Variants in UFL1 observed in about 807,000 individuals in gnomAD.
UFL1 encodes E3 UFM1-protein ligase 1.
A neutral mutation model predicts 99.3 loss-of-function variants in UFL1; 78 were observed. That is an observed-to-expected ratio of 0.79 (90% CI 0.65 to 0.95). UFL1 has a LOEUF of 0.95. Among genes scored for constraint, UFL1 ranks in the 40% least tolerant of loss-of-function variants. UFL1 has a pLI of 0.00. For synonymous variants in UFL1, 335 were observed against 322.2 expected, an observed-to-expected ratio of 1.04 and a Z score of -0.42; for missense variants, 936 against 937.0, an observed-to-expected ratio of 1.00 and a Z score of 0.01.
intron 5 of UFL1, 126 bp downstream of exon 5, chr6:96,526,561 C>CT (rs1769706679): frequency 4.0e-6 from 3 of 750,042 alleles, no homozygotes; most frequent in Non-Finnish European, 6.6e-6. Context: ...AGGTGTCTGA[C>CT]TTGATATATG....
chr6:96,542,417 T>A (rs1450018994), intron 11 of UFL1, among the ~76,000 whole-genome samples: 8 of 151,292 alleles, frequency 5.3e-5, no homozygotes, highest in African/African-American at 1.9e-4. Context: ...TCAGGATATC[T>A]CCTCTAAAAA....
chr6:96,522,978 G>GTTT, intron 1 of UFL1, 168 bp from the exon 2 acceptor site: 2 of 498,466 alleles, frequency 4.0e-6, no homozygotes, highest in Non-Finnish European at 3.3e-6. Flanking sequence ...ACTCTGAAAG[G>GTTT]TTTTTTTTTA....
intron 6 of UFL1, among the ~76,000 whole-genome samples, chr6:96,531,124 G>T (rs1002469241): frequency 5.9e-5 from 9 of 152,220 alleles, no homozygotes; most frequent in African/African-American, 1.9e-4. Context: ...GATGATCTGA[G>T]ATGGAACAGT....
intron 12 of UFL1, 73 bp downstream of exon 12, chr6:96,543,089 A>G (rs1769953787): frequency 6.7e-7 from 1 of 1,492,378 alleles, no homozygotes; most frequent in African/African-American, 1.5e-5. Flanking sequence ...GATGTATATA[A>G]TTAGGTATAT....
intron 9 of UFL1, among the ~76,000 whole-genome samples, chr6:96,538,369 G>GT (rs1769882557): frequency 6.6e-6 from 1 of 151,660 alleles, no homozygotes; most frequent in Admixed American, 6.6e-5. Flanking sequence ...TGTGTGCCTT[G>GT]TAGGTTTCAG....
rs181350392 is a variant in UFL1 at position 96,532,777 on chromosome 6, A to G, written c.597-1486A>G. On this transcript the variant is annotated intron_variant, in intron 6 of 18. Coordinates refer to ENST00000369278, the MANE Select transcript of UFL1 (RefSeq NM_015323.5). ...GTCACCAGAATCATGAGCCAAATAAACCTTTTTTCTTTGTAAATTACCCAG... is the reference window on the plus strand; with the variant it reads ...GTCACCAGAATCATGAGCCAAATAAGCCTTTTTTCTTTGTAAATTACCCAG... 5.1e-4 allele frequency among the ~76,000 whole-genome samples: 77 copies of G among 152,240 alleles called. 1 individual carries two copies. The South Asian group carries it at 0.016, about 31-fold the overall frequency.
chr6:96,530,661 G>A (rs944025070), intron 6 of UFL1, among the ~76,000 whole-genome samples: 2 of 152,116 alleles, frequency 1.3e-5, no homozygotes, highest in South Asian at 4.1e-4. Context: ...CCTGCAGGTT[G>A]CCTTTTGCAT....
At chr6:96,523,002 G>A in intron 1 of UFL1, 144 bp from the exon 2 acceptor site, 1 of 678,200 alleles carries the variant, frequency 1.5e-6, no homozygotes, top group Non-Finnish European at 2.2e-6. Flanking sequence ...TATTGAATCA[G>A]TTAGTGAAAA....
chr6:96,549,160 G>T (rs1169200865), intron 13 of UFL1, among the ~76,000 whole-genome samples: 1 of 151,184 alleles, frequency 6.6e-6, no homozygotes, highest in Non-Finnish European at 1.5e-5. Context: ...GAATTATGGG[G>T]GTTTTGTTAT....
chr6:96,526,879 A>T (rs886555555), intron 5 of UFL1, among the ~76,000 whole-genome samples: 2 of 152,230 alleles, frequency 1.3e-5, no homozygotes, highest in African/African-American at 2.4e-5. Flanking sequence ...GTAAAGGTCA[A>T]GGATGCTGCT....
At chr6:96,550,730 C>G (rs1001777718) in intron 15 of UFL1, among the ~76,000 whole-genome samples, 1 of 151,974 alleles carries the variant, frequency 6.6e-6, no homozygotes, top group African/African-American at 2.4e-5. Context: ...GTCTCCTGCC[C>G]TTATACCAAT....
chr6:96,525,100 C>T (rs1240332195), intron 3 of UFL1, among the ~76,000 whole-genome samples, 197 bp from the exon 4 acceptor site: 1 of 150,906 alleles, frequency 6.6e-6, no homozygotes, highest in African/African-American at 2.4e-5. Context: ...TGGGAGTCTC[C>T]CTATGTTGCC....
chr6:96,523,891 A>T (rs1436096712), intron 2 of UFL1, among the ~76,000 whole-genome samples: 2 of 152,188 alleles, frequency 1.3e-5, no homozygotes, highest in Admixed American at 1.3e-4. Flanking sequence ...TCAGAGTGTA[A>T]CATTGGTCTT....
intron 4 of UFL1, among the ~76,000 whole-genome samples, chr6:96,525,705 G>T (rs574217360): frequency 6.6e-6 from 1 of 150,568 alleles, no homozygotes; most frequent in Non-Finnish European, 1.5e-5. Context: ...AAAATTCAGT[G>T]TTAATGTATG....
intron 2 of UFL1, 96 bp from the exon 3 acceptor site, chr6:96,524,286 A>G (rs530384064): frequency 5.4e-6 from 6 of 1,113,194 alleles, no homozygotes; most frequent in Non-Finnish European, 7.8e-6. Flanking sequence ...TGTTCTATGC[A>G]GGACTTTGAC....
intron 12 of UFL1, among the ~76,000 whole-genome samples, chr6:96,547,381 T>C (rs1460777201): frequency 6.6e-6 from 1 of 151,692 alleles, no homozygotes; most frequent in Non-Finnish European, 1.5e-5. Flanking sequence ...GAATGTAAAT[T>C]AGTTCAACCT....
intron 11 of UFL1, among the ~76,000 whole-genome samples, chr6:96,541,827 A>G (rs993582833): frequency 4.1e-4 from 62 of 151,368 alleles, no homozygotes; most frequent in African/African-American, 1.4e-3. Flanking sequence ...AGTGTGTGGA[A>G]TCATGTCAAT....
intron 6 of UFL1, among the ~76,000 whole-genome samples, chr6:96,530,674 C>A (rs1769770628): frequency 6.6e-6 from 1 of 152,046 alleles, no homozygotes; most frequent in Non-Finnish European, 1.5e-5. Context: ...TTTTGCATAC[C>A]CCCATCATTC....
intron 5 of UFL1, among the ~76,000 whole-genome samples, chr6:96,527,034 T>A (rs1740745542): frequency 6.6e-6 from 1 of 152,160 alleles, no homozygotes; most frequent in Admixed American, 6.5e-5. Flanking sequence ...AATCTGACAT[T>A]CTCTTAACTT....
Sources: gnomAD v4.1 joint callset for allele counts (sites outside exome capture counted in the v4.1 genomes callset) on GRCh38, gnomAD v4.1.1 for gene constraint, MANE v1.5 for transcripts, NCBI Gene and HGNC (gene_info 2026-07-23, HGNC 2026-07-21) for gene names.